The following FKBP6 variants were observed in gnomAD, a reference collection of about 807,000 sequenced individuals.
FKBP6 encodes FKBP prolyl isomerase family member 6 (inactive), also known as inactive peptidyl-prolyl cis-trans isomerase FKBP6.
A neutral mutation model predicts 41.7 loss-of-function variants in FKBP6; 29 were observed. The observed-to-expected ratio is 0.70, with a 90% CI of 0.52 to 0.95. The LOEUF (loss-of-function observed/expected upper bound fraction) is 0.95. Ranked by LOEUF, FKBP6 falls within the 40% of genes least tolerant of loss-of-function variation. FKBP6 has a pLI of 0.00. For missense variants in FKBP6, 338 were observed against 408.7 expected (o/e 0.83, Z 1.49); for synonymous variants, 130 against 165.1 (o/e 0.79, Z 1.63).
At chr7:73,353,110 C>T (rs531231891) in intron 8 of FKBP6, among the ~76,000 whole-genome samples, 1 of 152,220 alleles carries the variant, frequency 6.6e-6, no homozygotes, top group East Asian at 1.9e-4. Flanking sequence ...CCCTCTCTCT[C>T]ACCCTCTCTG....
At chr7:73,342,934 G>A (rs782673798) in intron 8 of FKBP6, 35 bp downstream of exon 8, 32 of 1,398,368 alleles carry the variant, frequency 2.3e-5, no homozygotes, top group East Asian at 6.8e-5. Context: ...ACAGGCTTCC[G>A]GATGGAGAAG....
intron 3 of FKBP6, chr7:73,329,778 C>T (rs1554547264): frequency 1.7e-5 from 9 of 525,764 alleles, no homozygotes; most frequent in Non-Finnish European, 2.7e-5. Flanking sequence ...AGAACATCTC[C>T]ACCCTTAAGG....
intron 8 of FKBP6, among the ~76,000 whole-genome samples, chr7:73,354,571 T>A (rs1331480115): frequency 6.6e-6 from 1 of 152,216 alleles, no homozygotes; most frequent in South Asian, 2.1e-4. Context: ...TCAAAAAATT[T>A]TCCCCCTCAG....
chr7:73,331,091 C>T (rs1484107499), intron 4 of FKBP6, among the ~76,000 whole-genome samples: 3 of 152,174 alleles, frequency 2.0e-5, no homozygotes, highest in Non-Finnish European at 2.9e-5. Flanking sequence ...GCAAATGCCT[C>T]GTCCCACCTG....
Position 73,340,807 on chromosome 7 carries a change from C to G in FKBP6, c.758C>G (p.Ala253Gly). ...EQALIIDQKNAKALFRCGQAC... is the reference protein window; with the variant it reads ...EQALIIDQKNGKALFRCGQAC... ...GCTTTGATCATTGACCAAAAGAATGCCAAGGCCCTCTTCAGGTGTGGACAG... is the reference window on the plus strand; with the variant it reads ...GCTTTGATCATTGACCAAAAGAATGGCAAGGCCCTCTTCAGGTGTGGACAG... Residue 253 changes from alanine (A) to glycine (G), a missense_variant, in exon 6 of 9, where the codon GCC becomes GGC. Around this residue, in one of 2 missense-constraint regions of FKBP6, gnomAD observed 239 missense variants for 250.1 expected, o/e 0.96. Transcript: ENST00000252037. The G allele has an allele frequency of 6.2e-7, 1 of 1,613,878 alleles. No homozygotes were observed. Among genetic ancestry groups the G allele is most frequent in the Non-Finnish European group, 8.5e-7 (1 of 1,179,930 alleles).
At chr7:73,331,013 A>C (rs1554547593) in intron 4 of FKBP6, among the ~76,000 whole-genome samples, 1 of 152,198 alleles carries the variant, frequency 6.6e-6, no homozygotes, top group Non-Finnish European at 1.5e-5. Context: ...GAGTCTCCCC[A>C]GCTAAACTGT....
chr7:73,343,113 A>C (rs543103450), intron 8 of FKBP6, among the ~76,000 whole-genome samples: 1 of 152,324 alleles, frequency 6.6e-6, no homozygotes, highest in East Asian at 1.9e-4. Flanking sequence ...CCTGTGGGTT[A>C]AATGTATAGG....
chr7:73,349,074 C>G (rs1370159271), intron 8 of FKBP6, among the ~76,000 whole-genome samples: 1 of 151,638 alleles, frequency 6.6e-6, no homozygotes, highest in East Asian at 1.9e-4. Flanking sequence ...CACTGCACTC[C>G]AGTCTGGGTG....
At chr7:73,336,619 C>A in intron 5 of FKBP6, 1 of 333,100 alleles carries the variant, frequency 3.0e-6, no homozygotes, top group Non-Finnish European at 6.2e-6. Context: ...GGAATATTTA[C>A]AGCATAGGAA....
At position 73,328,576 on chromosome 7, in the gene FKBP6, C is replaced by A. The variant is rs1554546784; in HGVS notation, c.59C>A (p.Ser20Tyr). 1.1e-5 allele frequency: 17 copies of A among 1,591,796 alleles called. No individual in the cohort carries two copies. The highest frequency in any genetic ancestry group is 3.4e-5 in the Admixed American group (2 of 59,070). ...GGCCTGGCTTTCATTCTCCATCAGT[C>A]CCTGTACGAGCGGTTAAGTCAGAGG... Reference protein sequence around the residue: ...VLEGDDAPGQSLYERLSQRML... With the variant: ...VLEGDDAPGQYLYERLSQRML... The change falls in exon 2 of 9, where the codon TCC becomes TAC. Residue 20 changes from serine (S) to tyrosine (Y), a missense_variant and splice_region_variant. Ser to Tyr is a moderately radical substitution (Grantham distance 144). Coordinates refer to ENST00000252037, the MANE Select transcript of FKBP6 (RefSeq NM_003602.5).
chr7:73,328,499 C>T lies in FKBP6; in HGVS notation c.57+14C>T, dbSNP rs373762055. Reference sequence around the variant, plus strand: ...GCCCCCGGCCAGGTGAGGGCCCAGACGTTTCGGGGGCGTAGACGCTGAGGG... The same window carrying T: ...GCCCCCGGCCAGGTGAGGGCCCAGATGTTTCGGGGGCGTAGACGCTGAGGG... On this transcript the variant is annotated intron_variant, in intron 1 of 8. Transcript: ENST00000252037. 4.5e-6 allele frequency: 7 copies of T among 1,557,378 alleles called. No individual in the cohort carries two copies. In the Admixed American group the frequency reaches 5.8e-5, roughly 13 times the overall value.
At chr7:73,334,651 A>G (rs1804948815) in intron 5 of FKBP6, among the ~76,000 whole-genome samples, 2 of 152,224 alleles carry the variant, frequency 1.3e-5, no homozygotes, top group East Asian at 3.9e-4. Flanking sequence ...TTGAAGGGCT[A>G]TTTGTTCTTC....
At chr7:73,350,096 AC>A (rs1270293105) in intron 8 of FKBP6, among the ~76,000 whole-genome samples, 6 of 152,086 alleles carry the variant, frequency 3.9e-5, no homozygotes, top group African/African-American at 1.4e-4. Flanking sequence ...GTCACAGTCC[AC>A]CCCCTGCTGT....
In FKBP6 at chr7:73,356,355, A is replaced by C. The variant is rs114074391; in HGVS notation, c.*3-1826A>C. Among the ~76,000 whole-genome samples, 866 of 152,318 alleles carry C rather than the reference A, an allele frequency of 5.7e-3. 10 individuals carry two copies. The highest frequency in any genetic ancestry group is 0.02 in the African/African-American group (843 of 41,570). ...CACGCCTGACTTTCCTGTGACAGTC[A>C]AAGTCCTATCACTGGTTGTGATGGG... On this transcript the variant is annotated intron_variant, in intron 8 of 8. Coordinates refer to ENST00000252037, the MANE Select transcript of FKBP6 (RefSeq NM_003602.5).
At chr7:73,352,612 C>A (rs1444190825) in intron 8 of FKBP6, among the ~76,000 whole-genome samples, 1 of 152,120 alleles carries the variant, frequency 6.6e-6, no homozygotes, top group Admixed American at 6.5e-5. Context: ...TTTGATGCTC[C>A]CCTACGCTCC....
chr7:73,329,645 A>G, intron 3 of FKBP6, 196 bp downstream of exon 3: 1 of 618,638 alleles, frequency 1.6e-6, no homozygotes, highest in South Asian at 1.9e-5. Context: ...GCAAGGTATA[A>G]TCTTTGCACT....
In FKBP6 at chr7:73,357,140, G is replaced by A. The variant is rs114438078; in HGVS notation, c.*3-1041G>A. ...CGGTGCATGCTTCTAGAACAGTAGC[G>A]ATGGGTGTGCCTCATGACCGTAATG... On this transcript the variant is annotated intron_variant, in intron 8 of 8. Transcript: ENST00000252037. 3.4e-3 allele frequency among the ~76,000 whole-genome samples: 519 copies of A among 152,130 alleles called. 5 individuals are homozygous for A. The highest frequency in any genetic ancestry group is 0.012 in the African/African-American group (503 of 41,508).
chr7:73,340,524 C>G, intron 5 of FKBP6, 114 bp from the exon 6 acceptor site: 1 of 806,414 alleles, frequency 1.2e-6, no homozygotes, highest in South Asian at 1.4e-5. Flanking sequence ...GATCTTGTGT[C>G]TTGCAACCTG....
chr7:73,356,436 G>C (rs1363099601), intron 8 of FKBP6, among the ~76,000 whole-genome samples: 1 of 152,186 alleles, frequency 6.6e-6, no homozygotes, highest in Non-Finnish European at 1.5e-5. Flanking sequence ...GGCTGTACCA[G>C]TTTGTTCTTG....
Sources: allele counts gnomAD v4.1 joint callset (sites outside exome capture counted in the v4.1 genomes callset), GRCh38; gene constraint gnomAD v4.1.1; regional missense constraint gnomAD v4.1.1; transcripts MANE v1.5; gene names NCBI Gene and HGNC (gene_info 2026-07-23, HGNC 2026-07-21).